SYNE1: variants seen among roughly 807,000 people sequenced by gnomAD.
SYNE1 encodes nesprin-1.
Under a neutral mutation model 1,111.0 loss-of-function variants are expected in SYNE1, and 616 were observed. The ratio of observed to expected loss-of-function variants is 0.55; its 90% confidence interval spans 0.52 to 0.59. SYNE1 has a LOEUF of 0.59. Ranked by LOEUF, SYNE1 falls within the 20% of genes least tolerant of loss-of-function variation. The pLI, the probability that SYNE1 is intolerant of heterozygous loss-of-function variation, is 0.00. For missense variants in SYNE1, 10,006 were observed against 10,417.0 expected (o/e 0.96, Z 1.72); for synonymous variants, 3,855 against 3,825.8 (o/e 1.01, Z -0.28).
intron 3 of SYNE1, among the ~76,000 whole-genome samples, chr6:152,599,683 A>G (rs2099591534): frequency 6.6e-6 from 1 of 152,220 alleles, no homozygotes; most frequent in South Asian, 2.1e-4. Flanking sequence ...GCCTTTCTAT[A>G]GTAAGAATTA....
At chr6:152,464,409 C>T (rs879024381) in intron 18 of SYNE1, among the ~76,000 whole-genome samples, 1 of 152,136 alleles carries the variant, frequency 6.6e-6, no homozygotes, top group Non-Finnish European at 1.5e-5. Context: ...TGTATGACAT[C>T]CACTAGGGCA....
At chr6:152,248,488 C>A (rs2088099593) in intron 105 of SYNE1, among the ~76,000 whole-genome samples, 2 of 150,726 alleles carry the variant, frequency 1.3e-5, no homozygotes, top group Admixed American at 6.6e-5. Flanking sequence ...ATGAGGCATG[C>A]AACAAATAAA....
At chr6:152,518,027 A>C (rs537534067) in intron 6 of SYNE1, among the ~76,000 whole-genome samples, 1 of 151,912 alleles carries the variant, frequency 6.6e-6, no homozygotes, top group Non-Finnish European at 1.5e-5. Context: ...CAACAAATGA[A>C]CCTATCTCTA....
intron 145 of SYNE1, chr6:152,126,776 G>C (rs983933760): frequency 2.6e-5 from 4 of 152,218 alleles, no homozygotes; most frequent in Admixed American, 1.3e-4. Flanking sequence ...TCAAAAGAAA[G>C]TGTGTAGGAC....
chr6:152,506,996 A>G (rs1461774124), intron 8 of SYNE1, among the ~76,000 whole-genome samples: 1 of 152,190 alleles, frequency 6.6e-6, no homozygotes, highest in Non-Finnish European at 1.5e-5. Flanking sequence ...TTCATCAATA[A>G]ATATCCTAAA....
chr6:152,459,472 G>A (rs1315664123), intron 21 of SYNE1, among the ~76,000 whole-genome samples: 1 of 152,122 alleles, frequency 6.6e-6, no homozygotes, highest in Non-Finnish European at 1.5e-5. Context: ...GCTGCTCCCT[G>A]CTTATCAACA....
At chr6:152,476,867 TAAAA>T (rs4034729) in intron 14 of SYNE1, among the ~76,000 whole-genome samples, 2 of 140,794 alleles carry the variant, frequency 1.4e-5, no homozygotes, top group African/African-American at 2.7e-5. Flanking sequence ...AGACCCTATC[TAAAA>T]AAAAAAAAAA....
In SYNE1 at chr6:152,224,932, TATAC is replaced by T. The variant is rs2081140051; in HGVS notation, c.21352-272_21352-269del. On this transcript the variant is annotated intron_variant, in intron 116 of 145. Coordinates refer to ENST00000367255, the MANE Select transcript of SYNE1 (RefSeq NM_182961.4). The stretch of plus-strand genomic sequence containing the variant: ...ATATATATATGTATATATATACATA[TATAC>T]ATATGTATACACATATATATGTGTA... Among the ~76,000 whole-genome samples, 16 of 147,436 alleles carry T rather than the reference TATAC, an allele frequency of 1.1e-4. No homozygotes were observed. In the South Asian group the frequency reaches 2.5e-3, roughly 23 times the overall value.
chr6:152,375,377 C>T (rs780583253), intron 58 of SYNE1, among the ~76,000 whole-genome samples: 3 of 152,214 alleles, frequency 2.0e-5, no homozygotes, highest in South Asian at 2.1e-4. Context: ...AGAGACACTT[C>T]AAGCACGAGT....
Position 152,308,397 on chromosome 6 carries a change from G to A in SYNE1, c.17346+92C>T, listed in dbSNP as rs111659009. On this transcript the variant is annotated intron_variant, in intron 91 of 145. Transcript: ENST00000367255. ...TTGAACACATTAAGTGCAGGACAGG[G>A]GAAACTGTTCTCTTCCATTCTCTAG... The A allele has an allele frequency of 5.7e-4, 896 of 1,576,820 alleles. 4 individuals are homozygous for A. The Middle Eastern group carries it at 9.9e-3, about 17-fold the overall frequency.
chr6:152,562,888 T>G (rs2099399582), intron 3 of SYNE1, among the ~76,000 whole-genome samples: 1 of 152,226 alleles, frequency 6.6e-6, no homozygotes, highest in Non-Finnish European at 1.5e-5. Context: ...TTTTCCAAAA[T>G]GATGAATGTA....
intron 55 of SYNE1, among the ~76,000 whole-genome samples, chr6:152,382,754 G>T (rs114347102): frequency 0.01 from 1,584 of 152,252 alleles, 24 homozygotes; most frequent in African/African-American, 0.037. Flanking sequence ...CAAATTTGAA[G>T]TTTCCCAAAA....
chr6:152,476,901 A>C (rs2098838368), intron 14 of SYNE1, among the ~76,000 whole-genome samples: 1 of 152,072 alleles, frequency 6.6e-6, no homozygotes, highest in Admixed American at 6.5e-5. Context: ...AGAAAGAAAT[A>C]AAATGGATGA....
At position 152,140,114 on chromosome 6, in the gene SYNE1, C is replaced by A. The variant is rs1208271118; in HGVS notation, c.25294G>T (p.Glu8432Ter). Reference protein sequence around the residue: ...ELLQAQALSKELRMKQNLQKW... With the variant: ...ELLQAQALSK ...TGGAGGTTCTGCTTCATCCTCAACT[C>A]CTTGCTCAATGCCTGGGCCTGGAGA... Residue 8432 changes from glutamate (E) to a stop codon, truncating the protein, a stop_gained, in exon 140 of 146, where the codon GAG (glutamate) becomes TAG (stop). Coordinates refer to ENST00000367255, the MANE Select transcript of SYNE1 (RefSeq NM_182961.4). LOFTEE classifies it high-confidence loss of function. 6.2e-7 allele frequency: 1 copy of A among 1,614,086 alleles called. No individual in the cohort carries two copies. The highest frequency in any genetic ancestry group is 8.5e-7 in the Non-Finnish European group (1 of 1,180,050).
chr6:152,455,163 A>C (rs946464546), intron 24 of SYNE1, among the ~76,000 whole-genome samples: 1 of 152,236 alleles, frequency 6.6e-6, no homozygotes, highest in African/African-American at 2.4e-5. Context: ...ATAATGAATT[A>C]GTAATTTGGA....
chr6:152,521,450 C>T (rs928168035), intron 5 of SYNE1, among the ~76,000 whole-genome samples: 1 of 152,158 alleles, frequency 6.6e-6, no homozygotes, highest in African/African-American at 2.4e-5. Flanking sequence ...GGTTGTACTA[C>T]TTTTTATTCT....
chr6:152,391,571 G>C lies in SYNE1; in HGVS notation c.7713-3C>G. On this transcript the variant is annotated splice_region_variant and splice_polypyrimidine_tract_variant and intron_variant, in intron 51 of 145. Transcript: ENST00000367255. ...GGGAAAGCTTATCAAGAGACTCTCTGAAAAAAAGGAAAAAAAAAAAAAAGA... is the reference window on the plus strand; with the variant it reads ...GGGAAAGCTTATCAAGAGACTCTCTCAAAAAAAGGAAAAAAAAAAAAAAGA... 1 of 934,916 alleles carries C rather than the reference G, an allele frequency of 1.1e-6. No homozygotes were observed. The highest frequency in any genetic ancestry group is 1.4e-6 in the Non-Finnish European group (1 of 715,284). The allele number at this position is 934,916 out of a possible 1,614,324, so 57.9% of individuals were successfully genotyped here.
chr6:152,614,862 C>A (rs1303624676), intron 3 of SYNE1, among the ~76,000 whole-genome samples: 1 of 152,168 alleles, frequency 6.6e-6, no homozygotes, highest in East Asian at 1.9e-4. Flanking sequence ...AACCATCATT[C>A]TCAGCAAACT....
intron 47 of SYNE1, among the ~76,000 whole-genome samples, chr6:152,400,269 A>G (rs560723553): frequency 6.6e-6 from 1 of 152,298 alleles, no homozygotes; most frequent in East Asian, 1.9e-4. Flanking sequence ...CAGTAAGGAA[A>G]TATGCTAAAA....
Sources: allele counts gnomAD v4.1 joint callset (sites outside exome capture counted in the v4.1 genomes callset), GRCh38; gene constraint gnomAD v4.1.1; transcripts MANE v1.5; gene names NCBI Gene and HGNC (gene_info 2026-07-23, HGNC 2026-07-21).